FEV: variants seen among roughly 807,000 people sequenced by gnomAD.
FEV encodes the protein protein FEV.
In FEV, 14 loss-of-function variants were observed where a neutral mutation model predicts 20.5. The observed-to-expected ratio is 0.68, with a 90% CI of 0.45 to 1.07. The LOEUF is 1.07. Ranked by LOEUF, FEV falls within the 50% of genes least tolerant of loss-of-function variation. The pLI, the probability that FEV is intolerant of heterozygous loss-of-function variation, is 0.00. For missense variants in FEV, 301 were observed against 345.3 expected, an observed-to-expected ratio of 0.87 and a Z score of 1.02; for synonymous variants, 188 against 163.7, an observed-to-expected ratio of 1.15 and a Z score of -1.13.
At chr2:218,982,675 A>C (rs1183716541) in intron 2 of FEV, among the ~76,000 whole-genome samples, 3 of 152,222 alleles carry the variant, frequency 2.0e-5, no homozygotes, top group Non-Finnish European at 2.9e-5. Context: ...AAAGACGCAC[A>C]ACCGTACAGG....
In FEV at chr2:218,984,837, T is replaced by C. The variant is rs1042436917; in HGVS notation, c.52+187A>G. On this transcript the variant is annotated intron_variant, in intron 1 of 2. Transcript: ENST00000295727. The surrounding 1 kb of genome is among the most constrained non-coding windows in gnomAD (Gnocchi z 5.0). The stretch of plus-strand genomic sequence containing the variant: ...ATTTCAACTCCTCTAGACCCTGCAC[T>C]GAAACCCAGAGCTCTCTATCTGCCT... 6.6e-6 allele frequency among the ~76,000 whole-genome samples: 1 copy of C among 152,184 alleles called. No individual in the cohort carries two copies. The highest frequency in any genetic ancestry group is 1.5e-5 in the Non-Finnish European group (1 of 68,026).
In FEV at chr2:218,984,304, A is replaced by T. The variant is rs1340799443; in HGVS notation, c.54T>A (p.Asp18Glu). 3 of 1,591,704 alleles carry T rather than the reference A, an allele frequency of 1.9e-6. No individual in the cohort carries two copies. Among genetic ancestry groups the T allele is most frequent in the Non-Finnish European group, 2.6e-6 (3 of 1,168,908 alleles). Reference protein sequence around the residue: ...QPLLINMYLPDPVGDGLFKDG... With the variant: ...QPLLINMYLPEPVGDGLFKDG... ...CCTTGAAGAGACCGTCTCCGACGGG[A>T]TCTGCAAGCAGCAGAAGAAAAGAAT... The change falls in exon 2 of 3, where the codon GAT becomes GAA. Residue 18 changes from aspartate to glutamate, a missense_variant and splice_region_variant. Coordinates refer to ENST00000295727, the MANE Select transcript of FEV (RefSeq NM_017521.3). The surrounding 1 kb of genome is among the most constrained non-coding windows in gnomAD (Gnocchi z 5.0).
rs755493413 is a variant in FEV, at chr2:218,982,195, G to A, written c.189C>T (p.Ala63=). The A allele has an allele frequency of 1.2e-6, 2 of 1,611,050 alleles. No individual in the cohort carries two copies. Among genetic ancestry groups the A allele is most frequent in the Admixed American group, 3.3e-5 (2 of 59,842 alleles). The change falls in exon 3 of 3, where the codon GCC becomes GCT. Residue 63 remains alanine, a synonymous_variant. Coordinates refer to ENST00000295727, the MANE Select transcript of FEV (RefSeq NM_017521.3). ...GACCGCCCTCCCACGCGATGCAGCC[G>A]GCGTTCGCGCGGTCAGCCAGCAGCT... ...LLELLADRAN[A]GCIAWEGGHG...
In FEV at chr2:218,982,411, C is replaced by T. The variant is rs1945399408; in HGVS notation, c.128-155G>A. 2.0e-5 allele frequency among the ~76,000 whole-genome samples: 3 copies of T among 152,306 alleles called. No individual in the cohort carries two copies. In the South Asian group the frequency reaches 6.2e-4, roughly 32 times the overall value. ...AGCTGCGTTCGGCGGGAGAGGCCGG[C>T]CCCGGAGGGGCTGATCAGCAGAGTG... On this transcript the variant is annotated intron_variant, in intron 2 of 2. Coordinates refer to ENST00000295727, the MANE Select transcript of FEV (RefSeq NM_017521.3).
rs571621114 is a variant in FEV, at chr2:218,984,935, C to T, written c.52+89G>A. On this transcript the variant is annotated intron_variant, in intron 1 of 2. Transcript: ENST00000295727. The surrounding 1 kb of genome is among the most constrained non-coding windows in gnomAD (Gnocchi z 5.0). ...CGAATCTCCGGACACTTCTCCTTCC[C>T]CTGGACCCCAGCACTCTCTTCCCAT... 1.4e-5 allele frequency: 17 copies of T among 1,244,654 alleles called. No individual in the cohort carries two copies. In the South Asian group the frequency reaches 1.4e-4, roughly 10 times the overall value. The allele number at this position is 1,244,654 out of a possible 1,614,324, so 77.1% of individuals were successfully genotyped here.
At position 218,981,916 on chromosome 2, in the gene FEV, C is replaced by T. The variant is rs1427870353; in HGVS notation, c.468G>A (p.Gln156=). The change falls in exon 3 of 3, where the codon CAG becomes CAA. Residue 156 remains glutamine (Q), a synonymous_variant. Transcript: ENST00000295727. This position sits in a 1 kb window ranked among gnomAD's most constrained non-coding sequence, Gnocchi z 4.5. The part of the protein sequence containing the change: ...AAAAAAAAAA[Q]DGALYKLPAG... The stretch of plus-strand genomic sequence containing the variant: ...CGGGCAGCTTGTAGAGCGCGCCGTC[C>T]TGGGCGGCCGCGGCGGCGGCAGCAG... 2.3e-6 allele frequency: 3 copies of T among 1,307,984 alleles called. No individual in the cohort carries two copies. The East Asian group carries it at 9.8e-5, about 43-fold the overall frequency. The allele number at this position is 1,307,984 out of a possible 1,614,324, so 81.0% of individuals were successfully genotyped here. A position where few individuals can be genotyped will look rare whatever the true frequency, so the allele number is the denominator to read the frequency against.
Position 218,984,403 on chromosome 2 carries a change from TCCCCAG to T in FEV, c.53-104_53-99del. 1 of 1,192,478 alleles carries T rather than the reference TCCCCAG, an allele frequency of 8.4e-7. No homozygotes were observed. Among genetic ancestry groups the T allele is most frequent in the South Asian group, 1.7e-5 (1 of 58,190 alleles). 73.9% of individuals were successfully genotyped at this position (1,192,478 alleles called of 1,614,324 possible). A position where few individuals can be genotyped will look rare whatever the true frequency, so the allele number is the denominator to read the frequency against. On this transcript the variant is annotated intron_variant, in intron 1 of 2. Coordinates refer to ENST00000295727, the MANE Select transcript of FEV (RefSeq NM_017521.3). This position sits in a 1 kb window ranked among gnomAD's most constrained non-coding sequence, Gnocchi z 5.0. Reference sequence around the variant, plus strand: ...CCAAGGCTTAAGGGGGGTGCTGTGGTCCCCAGGCGCGAGGCTGGGGGCCCGGGCCAC... The same window carrying T: ...CCAAGGCTTAAGGGGGGTGCTGTGGTGCGCGAGGCTGGGGGCCCGGGCCAC...
chr2:218,981,736 G>A lies in FEV; in HGVS notation c.648C>T (p.Ser216=), dbSNP rs1008795959. 47 of 1,327,856 alleles carry A rather than the reference G, an allele frequency of 3.5e-5. No homozygotes were observed. Among genetic ancestry groups the A allele is most frequent in the Non-Finnish European group, 4.5e-5 (47 of 1,046,530 alleles). 82.3% of individuals were successfully genotyped at this position (1,327,856 alleles called of 1,614,324 possible). A position where few individuals can be genotyped will look rare whatever the true frequency, so the allele number is the denominator to read the frequency against. ...AATAALYPSP[S]LQPPPGPFGA... is the part of the protein sequence containing the mutation. ...CGAAGGGCCCGGGCGGGGGCTGCAA[G>A]CTGGGACTGGGGTAGAGCGCGGCGG... The change falls in exon 3 of 3, where the codon AGC becomes AGT. Residue 216 remains serine (S), a synonymous_variant. Transcript: ENST00000295727. The surrounding 1 kb of genome is among the most constrained non-coding windows in gnomAD (Gnocchi z 4.5).
intron 2 of FEV, among the ~76,000 whole-genome samples, chr2:218,983,729 G>T (rs1945411392): frequency 6.6e-6 from 1 of 152,232 alleles, no homozygotes; most frequent in Non-Finnish European, 1.5e-5. Flanking sequence ...TACCCGTGGA[G>T]CGCTGGTGGT....
At position 218,981,960 on chromosome 2, in the gene FEV, C is replaced by T. The variant is rs1373593077; in HGVS notation, c.424G>A (p.Ala142Thr). The change falls in exon 3 of 3, where the codon GCT (alanine) becomes ACT (threonine). Residue 142 changes from alanine to threonine, a missense_variant. Transcript: ENST00000295727. The surrounding 1 kb of genome is among the most constrained non-coding windows in gnomAD (Gnocchi z 4.5). The stretch of plus-strand genomic sequence containing the variant: ...GCAGCAGCTGCGGCGGCGGCATGAG[C>T]GTGCGCGGGCGGCGGCTGGCAGGCC... ...AQACQPPPAH[A>T]HAAAAAAAAA... 3.2e-6 allele frequency: 5 copies of T among 1,557,074 alleles called. No homozygotes were observed. The highest frequency in any genetic ancestry group is 4.3e-6 in the Non-Finnish European group (5 of 1,156,908).
rs1292466593 is a variant in FEV, at chr2:218,981,311, A to G, written c.*356T>C. ...AGTGGGAAAAGATTTGGCACTCGTTAAAGAGTAGTGATATTGAATGGGGCT... is the reference window on the plus strand; with the variant it reads ...AGTGGGAAAAGATTTGGCACTCGTTGAAGAGTAGTGATATTGAATGGGGCT... On this transcript the variant is annotated 3_prime_UTR_variant, in exon 3 of 3. Transcript: ENST00000295727. The surrounding 1 kb of genome is among the most constrained non-coding windows in gnomAD (Gnocchi z 4.5). 1 of 256,122 alleles carries G rather than the reference A, an allele frequency of 3.9e-6. No homozygotes were observed. Among genetic ancestry groups the G allele is most frequent in the African/African-American group, 2.2e-5 (1 of 46,058 alleles). 15.9% of individuals were successfully genotyped at this position (256,122 alleles called of 1,614,324 possible).
At position 218,981,969 on chromosome 2, in the gene FEV, G is replaced by A; in HGVS notation, c.415C>T (p.Pro139Ser). The change falls in exon 3 of 3, where the codon CCC (proline) becomes TCC (serine). Residue 139 changes from proline (P) to serine (S), a missense_variant. Physicochemically the swap from Pro to Ser is moderately conservative, Grantham distance 74. Transcript: ENST00000295727. This position sits in a 1 kb window ranked among gnomAD's most constrained non-coding sequence, Gnocchi z 4.5. The part of the protein sequence containing the change: ...QGLAQACQPP[P>S]AHAHAAAAAA... The stretch of plus-strand genomic sequence containing the variant: ...GCGGCGGCGGCATGAGCGTGCGCGG[G>A]CGGCGGCTGGCAGGCCTGCGCCAGG... The A allele has an allele frequency of 6.4e-7, 1 of 1,565,236 alleles. No homozygotes were observed.
intron 2 of FEV, 53 bp from the exon 3 acceptor site, chr2:218,982,309 G>C: frequency 1.4e-6 from 2 of 1,470,184 alleles, no homozygotes; most frequent in Non-Finnish European, 1.8e-6. Flanking sequence ...GCGGGAACTG[G>C]GGAAGAGTGC....
In FEV at chr2:218,981,755, G is replaced by A; in HGVS notation, c.629C>T (p.Ala210Val). 4 of 1,276,354 alleles carry A rather than the reference G, an allele frequency of 3.1e-6. No homozygotes were observed. The highest frequency in any genetic ancestry group is 3.9e-6 in the Non-Finnish European group (4 of 1,018,940). 79.1% of individuals were successfully genotyped at this position (1,276,354 alleles called of 1,614,324 possible). A position where few individuals can be genotyped will look rare whatever the true frequency, so the allele number is the denominator to read the frequency against. Reference sequence around the variant, plus strand: ...CTGCAAGCTGGGACTGGGGTAGAGCGCGGCGGTGGCGGCGGCAGCGGTGGC... The same window carrying A: ...CTGCAAGCTGGGACTGGGGTAGAGCACGGCGGTGGCGGCGGCAGCGGTGGC... ...PAATAAAATA[A>V]LYPSPSLQPP... The change falls in exon 3 of 3, where the codon GCG (alanine) becomes GTG (valine). Residue 210 changes from alanine (A) to valine (V), a missense_variant. Ala to Val is a moderately conservative substitution (Grantham distance 64). Coordinates refer to ENST00000295727, the MANE Select transcript of FEV (RefSeq NM_017521.3). The surrounding 1 kb of genome is among the most constrained non-coding windows in gnomAD (Gnocchi z 4.5).
Position 218,984,444 on chromosome 2 carries a change from C to T in FEV, c.53-139G>A, listed in dbSNP as rs543027880. ...TGGGGGCCCGGGCCACCCGGCTCCT[C>T]CTCCCGGAGCCTGGTCCAGGCGCGC... On this transcript the variant is annotated intron_variant, in intron 1 of 2. Coordinates refer to ENST00000295727, the MANE Select transcript of FEV (RefSeq NM_017521.3). This position sits in a 1 kb window ranked among gnomAD's most constrained non-coding sequence, Gnocchi z 5.0. The T allele has an allele frequency of 4.1e-6, 3 of 729,206 alleles. No homozygotes were observed. In the East Asian group the frequency reaches 8.8e-5, roughly 21 times the overall value. 45.2% of individuals were successfully genotyped at this position (729,206 alleles called of 1,614,324 possible).
At position 218,984,838 on chromosome 2, in the gene FEV, G is replaced by A. The variant is rs1945424343; in HGVS notation, c.52+186C>T. Among the ~76,000 whole-genome samples, 1 of 152,166 alleles carries A rather than the reference G, an allele frequency of 6.6e-6. No individual in the cohort carries two copies. Among genetic ancestry groups the A allele is most frequent in the Admixed American group, 6.5e-5 (1 of 15,278 alleles). On this transcript the variant is annotated intron_variant, in intron 1 of 2. Coordinates refer to ENST00000295727, the MANE Select transcript of FEV (RefSeq NM_017521.3). The surrounding 1 kb of genome is among the most constrained non-coding windows in gnomAD (Gnocchi z 5.0). The stretch of plus-strand genomic sequence containing the variant: ...TTTCAACTCCTCTAGACCCTGCACT[G>A]AAACCCAGAGCTCTCTATCTGCCTT...
At chr2:218,982,360 G>C (rs1223737031) in intron 2 of FEV, 104 bp from the exon 3 acceptor site, 1 of 1,049,778 alleles carries the variant, frequency 9.5e-7, no homozygotes, top group Admixed American at 2.5e-5. Flanking sequence ...CCGGCACTGG[G>C]GGAGGAAAAG....
chr2:218,982,282 C>G, intron 2 of FEV, 26 bp from the exon 3 acceptor site: 1 of 1,537,084 alleles, frequency 6.5e-7, no homozygotes, highest in Non-Finnish European at 8.8e-7. Context: ...CGGTCAGCCA[C>G]AGGCGGGAGC....
At position 218,985,105 on chromosome 2, in the gene FEV, G is replaced by C. The variant is rs575751546; in HGVS notation, c.-30C>G. The C allele has an allele frequency of 5.9e-5, 88 of 1,492,402 alleles. 2 individuals are homozygous for C. In the East Asian group the frequency reaches 1.9e-3, roughly 33 times the overall value. 92.4% of individuals were successfully genotyped at this position (1,492,402 alleles called of 1,614,324 possible). A position where few individuals can be genotyped will look rare whatever the true frequency, so the allele number is the denominator to read the frequency against. ...GCCGGGGACTGGGCGGTGGGAGATGGGGGGGACGGGGAAGGGGGGCGAGGC... is the reference window on the plus strand; with the variant it reads ...GCCGGGGACTGGGCGGTGGGAGATGCGGGGGACGGGGAAGGGGGGCGAGGC... On this transcript the variant is annotated 5_prime_UTR_variant, in exon 1 of 3. Coordinates refer to ENST00000295727, the MANE Select transcript of FEV (RefSeq NM_017521.3).
Sources: gnomAD v4.1 joint callset for allele counts (sites outside exome capture counted in the v4.1 genomes callset) on GRCh38, gnomAD v4.1.1 for gene constraint, Gnocchi (gnomAD v3.1) non-coding constraint, MANE v1.5 for transcripts, NCBI Gene and HGNC (gene_info 2026-07-23, HGNC 2026-07-21) for gene names.